Variants in DAB2IP observed in about 807,000 individuals in gnomAD.
DAB2IP encodes disabled homolog 2-interacting protein.
A neutral mutation model predicts 107.2 loss-of-function variants in DAB2IP; 28 were observed. That is an observed-to-expected ratio of 0.26 (90% CI 0.19 to 0.36). DAB2IP has a LOEUF of 0.36. Among genes scored for constraint, DAB2IP ranks in the 10% least tolerant of loss-of-function variants. DAB2IP has a pLI of 1.00. For synonymous variants in DAB2IP, 755 were observed against 706.4 expected (o/e 1.07, Z -1.09); for missense variants, 1,400 against 1,644.7 (o/e 0.85, Z 2.57).
At chr9:121,588,934 C>T (rs1474264118) in intron 1 of DAB2IP, among the ~76,000 whole-genome samples, 2 of 151,806 alleles carry the variant, frequency 1.3e-5, no homozygotes, top group Non-Finnish European at 2.9e-5. Flanking sequence ...ACCTTTACTC[C>T]TGAAGAGGAG....
At chr9:121,573,069 T>C (rs1165146208) in intron 1 of DAB2IP, among the ~76,000 whole-genome samples, 1 of 152,078 alleles carries the variant, frequency 6.6e-6, no homozygotes, top group African/African-American at 2.4e-5. Flanking sequence ...GTCTTCTGTT[T>C]TGGTTTGTTT....
At chr9:121,601,710 GTTGA>G (rs1160858124) in intron 1 of DAB2IP, among the ~76,000 whole-genome samples, 1 of 152,068 alleles carries the variant, frequency 6.6e-6, no homozygotes, top group Non-Finnish European at 1.5e-5. Context: ...AACCCATGAG[GTTGA>G]TTATTTTCTT....
chr9:121,766,605 C>T (rs1164455252), exon 9 of DAB2IP: 1 of 1,614,014 alleles, frequency 6.2e-7, no homozygotes, highest in Admixed American at 1.7e-5. Flanking sequence ...TCTTCCTGCG[C>T]TTCCTCTGCC....
At chr9:121,610,789 G>A (rs1024311928) in intron 1 of DAB2IP, among the ~76,000 whole-genome samples, 5 of 152,242 alleles carry the variant, frequency 3.3e-5, no homozygotes, top group African/African-American at 9.6e-5. Flanking sequence ...CTCCATGAGA[G>A]GAAGGGCGTA....
intron 1 of DAB2IP, among the ~76,000 whole-genome samples, chr9:121,636,108 A>T (rs1260839832): frequency 6.6e-6 from 1 of 151,976 alleles, no homozygotes; most frequent in Non-Finnish European, 1.5e-5. Context: ...GGGTTTTGCC[A>T]TGTTGCCCAG....
intron 1 of DAB2IP, among the ~76,000 whole-genome samples, chr9:121,578,124 G>A (rs189745712): frequency 2.8e-3 from 431 of 152,190 alleles, no homozygotes; most frequent in Non-Finnish European, 5.2e-3. Flanking sequence ...GTGGGGTAGG[G>A]GTGGCTGTCC....
chr9:121,749,292 G>A (rs1055852490), intron 3 of DAB2IP, among the ~76,000 whole-genome samples: 1 of 152,230 alleles, frequency 6.6e-6, no homozygotes, highest in African/African-American at 2.4e-5. Context: ...ATTCCCAGCA[G>A]GTCAGTGCAT....
intron 2 of DAB2IP, among the ~76,000 whole-genome samples, chr9:121,679,638 T>C (rs1291710434): frequency 4.6e-5 from 7 of 152,140 alleles, no homozygotes; most frequent in African/African-American, 1.7e-4. Flanking sequence ...TCATCAGTTA[T>C]TCTGGCATGC....
chr9:121,576,378 C>T (rs915073831), intron 1 of DAB2IP, among the ~76,000 whole-genome samples: 2 of 152,082 alleles, frequency 1.3e-5, no homozygotes, highest in Non-Finnish European at 2.9e-5. Context: ...TACCTTTGCA[C>T]TTGCTCTTAC....
chr9:121,620,648 G>C (rs540912596), intron 1 of DAB2IP, among the ~76,000 whole-genome samples: 21 of 152,214 alleles, frequency 1.4e-4, no homozygotes, highest in Non-Finnish European at 2.5e-4. Context: ...AGCCACCCTG[G>C]GGGGGTCCTG....
chr9:121,668,619 T>G (rs1240537503), intron 1 of DAB2IP, among the ~76,000 whole-genome samples: 1 of 152,232 alleles, frequency 6.6e-6, no homozygotes, highest in African/African-American at 2.4e-5. Context: ...TTCAGATGTA[T>G]TCATCGAGTA....
At chr9:121,609,173 G>A (rs192578453) in intron 1 of DAB2IP, among the ~76,000 whole-genome samples, 17 of 152,224 alleles carry the variant, frequency 1.1e-4, no homozygotes, top group Admixed American at 6.5e-4. Flanking sequence ...TTGAACTCCC[G>A]ACCTCAGGTG....
intron 6 of DAB2IP, among the ~76,000 whole-genome samples, chr9:121,761,149 G>A (rs142355958): frequency 2.0e-5 from 3 of 152,310 alleles, no homozygotes; most frequent in Admixed American, 6.5e-5. Context: ...CCACCTACCC[G>A]GTTTGGGGAC....
chr9:121,595,821 A>G (rs1439023729), intron 1 of DAB2IP, among the ~76,000 whole-genome samples: 2 of 152,150 alleles, frequency 1.3e-5, no homozygotes, highest in Non-Finnish European at 2.9e-5. Flanking sequence ...TGTTTAAAGA[A>G]TCTATATGAA....
intron 3 of DAB2IP, chr9:121,737,099 A>G (rs1831985062): frequency 1.2e-6 from 1 of 814,666 alleles, no homozygotes; most frequent in East Asian, 1.3e-4. Context: ...TTGGGGCAGG[A>G]TATGACCTTG....
chr9:121,718,785 T>C (rs559472224), intron 3 of DAB2IP, among the ~76,000 whole-genome samples: 1 of 152,214 alleles, frequency 6.6e-6, no homozygotes, highest in Non-Finnish European at 1.5e-5. Flanking sequence ...GCTCGTGTTG[T>C]GTCCTCTCTC....
chr9:121,647,421 G>A (rs899803760), upstream of DAB2IP, among the ~76,000 whole-genome samples: 1 of 152,116 alleles, frequency 6.6e-6, no homozygotes, highest in Admixed American at 6.6e-5. Context: ...CACCGCAGAG[G>A]GACTCAAGAC....
chr9:121,773,529 A>C, intron 12 of DAB2IP, 34 bp downstream of exon 12: 1 of 1,442,158 alleles, frequency 6.9e-7, no homozygotes, highest in Non-Finnish European at 9.1e-7. Flanking sequence ...AGGGCTGGGC[A>C]CTTGGGCCCA....
chr9:121,771,608 G>A (rs1396662085), intron 11 of DAB2IP, among the ~76,000 whole-genome samples: 1 of 152,190 alleles, frequency 6.6e-6, no homozygotes, highest in Non-Finnish European at 1.5e-5. Context: ...TTGGAGTGGG[G>A]GGTGCAGTAG....
Sources: gnomAD v4.1 joint callset for allele counts (sites outside exome capture counted in the v4.1 genomes callset) on GRCh38, gnomAD v4.1.1 for gene constraint, MANE v1.5 for transcripts, NCBI Gene and HGNC (gene_info 2026-07-23, HGNC 2026-07-21) for gene names.